The following TMEM181 variants were observed in gnomAD, a reference collection of about 807,000 sequenced individuals.
The protein encoded by TMEM181 is transmembrane protein 181.
Under a neutral mutation model 71.9 loss-of-function variants are expected in TMEM181, and 39 were observed. The observed-to-expected ratio is 0.54, with a 90% confidence interval of 0.42 to 0.71. The LOEUF (loss-of-function observed/expected upper bound fraction) is 0.71. Among genes scored for constraint, TMEM181 ranks in the 30% least tolerant of loss-of-function variants. The probability of loss-of-function intolerance (pLI) is 0.00; values close to 1 mark genes in which losing one functional copy is unlikely to be tolerated. For synonymous variants in TMEM181, 245 were observed against 228.8 expected (o/e 1.07, Z -0.64); for missense variants, 595 against 583.0 (o/e 1.02, Z -0.21).
chr6:158,619,137 A>G (rs1431607786), intron 10 of TMEM181, among the ~76,000 whole-genome samples: 1 of 152,118 alleles, frequency 6.6e-6, no homozygotes, highest in Non-Finnish European at 1.5e-5. Context: ...CAACAATCAA[A>G]CATAGATTTG....
At position 158,581,008 on chromosome 6, in the gene TMEM181, C is replaced by G; in HGVS notation, c.168+13C>G. 1 of 1,604,488 alleles carries G rather than the reference C, an allele frequency of 6.2e-7. No individual in the cohort carries two copies. Among genetic ancestry groups the G allele is most frequent in the Non-Finnish European group, 8.5e-7 (1 of 1,172,410 alleles). On this transcript the variant is annotated intron_variant, in intron 3 of 16. Transcript: ENST00000684151. Reference sequence around the variant, plus strand: ...TAATAGCAAAAAGGTAAGACTGGGTCTGAGTGGCAGCTGGGTGGTGGGGTG... The same window carrying G: ...TAATAGCAAAAAGGTAAGACTGGGTGTGAGTGGCAGCTGGGTGGTGGGGTG...
intron 1 of TMEM181, among the ~76,000 whole-genome samples, chr6:158,564,580 C>A (rs1782378351): frequency 6.6e-6 from 1 of 152,190 alleles, no homozygotes; most frequent in Non-Finnish European, 1.5e-5. Context: ...AAAAGCACAG[C>A]CATCGTTTCT....
intron 5 of TMEM181, 160 bp from the exon 6 acceptor site, chr6:158,589,512 C>T: frequency 1.7e-6 from 1 of 601,136 alleles, no homozygotes; most frequent in Non-Finnish European, 3.0e-6. Context: ...TTTCTAGGAA[C>T]TGTGTTTGGC....
At position 158,579,836 on chromosome 6, in the gene TMEM181, A is replaced by G. The variant is rs186245997; in HGVS notation, c.113-1104A>G. ...AGCCATTGGAAAAAAGATAAATACT[A>G]TAAGATTCACTTATATGGGGTACTT... On this transcript the variant is annotated intron_variant, in intron 2 of 16. Transcript: ENST00000684151. Among the ~76,000 whole-genome samples, 118 of 152,366 alleles carry G rather than the reference A, an allele frequency of 7.7e-4. 1 individual carries two copies. The highest frequency in any genetic ancestry group is 1.4e-3 in the Non-Finnish European group (94 of 68,036).
intron 1 of TMEM181, among the ~76,000 whole-genome samples, chr6:158,551,513 G>A (rs1781723664): frequency 6.6e-6 from 1 of 152,082 alleles, no homozygotes; most frequent in Non-Finnish European, 1.5e-5. Context: ...AGGATAGCCA[G>A]GGTTAAGAAC....
At chr6:158,571,107 AT>A (rs1052624456) in intron 1 of TMEM181, among the ~76,000 whole-genome samples, 1 of 150,748 alleles carries the variant, frequency 6.6e-6, no homozygotes, top group Non-Finnish European at 1.5e-5. Flanking sequence ...TAATTAATTA[AT>A]TTTTTTGAGA....
At position 158,593,951 on chromosome 6, in the gene TMEM181, TG is replaced by T. The variant is rs571396443; in HGVS notation, c.492+4170del. ...AGTTTACATTAGAATTCCCTCTTGG[TG>T]TTGTACATTCTGTAGGATCCACTAT... On this transcript the variant is annotated intron_variant, in intron 6 of 16. Coordinates refer to ENST00000684151, the MANE Select transcript of TMEM181 (RefSeq NM_001376852.1). 2.6e-3 allele frequency among the ~76,000 whole-genome samples: 394 copies of T among 152,178 alleles called. 4 individuals are homozygous for T. The highest frequency in any genetic ancestry group is 3.1e-3 in the Non-Finnish European group (214 of 68,018).
At chr6:158,592,010 G>A (rs746013847) in intron 6 of TMEM181, among the ~76,000 whole-genome samples, 3 of 152,184 alleles carry the variant, frequency 2.0e-5, no homozygotes, top group Non-Finnish European at 4.4e-5. Flanking sequence ...CGTTACCATG[G>A]GAACCACTCA....
intron 6 of TMEM181, among the ~76,000 whole-genome samples, chr6:158,590,169 A>G (rs1250531664): frequency 3.3e-5 from 5 of 152,102 alleles, no homozygotes; most frequent in Admixed American, 3.3e-4. Flanking sequence ...TCTTGTGTCC[A>G]GCTGAAATCT....
intron 1 of TMEM181, among the ~76,000 whole-genome samples, chr6:158,547,923 CAAAT>C (rs1372424813): frequency 1.5e-5 from 2 of 136,862 alleles, no homozygotes; most frequent in African/African-American, 5.4e-5. Context: ...AGAGTCCTGA[CAAAT>C]AAGTTGGTGA....
chr6:158,592,959 T>C (rs1291671255), intron 6 of TMEM181, among the ~76,000 whole-genome samples: 1 of 152,016 alleles, frequency 6.6e-6, no homozygotes, highest in Non-Finnish European at 1.5e-5. Flanking sequence ...TAAGATAATA[T>C]CCAGGGTTGG....
intron 1 of TMEM181, among the ~76,000 whole-genome samples, chr6:158,573,028 G>A (rs532509188): frequency 6.6e-6 from 1 of 152,232 alleles, no homozygotes; most frequent in South Asian, 2.1e-4. Context: ...GGGTGTGCCA[G>A]TGTGTGTGCG....
chr6:158,634,836 G>A lies in TMEM181; in HGVS notation c.*2948G>A, dbSNP rs1786857353. ...TGAACTATTTACTGAGGGTAGTTATGTTAAATAGATTATAATGTGGTAAAT... is the reference window on the plus strand; with the variant it reads ...TGAACTATTTACTGAGGGTAGTTATATTAAATAGATTATAATGTGGTAAAT... On this transcript the variant is annotated 3_prime_UTR_variant, in exon 17 of 17. Transcript: ENST00000684151. 6.6e-6 allele frequency: 1 copy of A among 152,148 alleles called. No homozygotes were observed. The highest frequency in any genetic ancestry group is 1.5e-5 in the Non-Finnish European group (1 of 68,014). 9.4% of individuals were successfully genotyped at this position (152,148 alleles called of 1,614,324 possible). A position where few individuals can be genotyped will look rare whatever the true frequency, so the allele number is the denominator to read the frequency against.
intron 11 of TMEM181, 39 bp from the exon 12 acceptor site, chr6:158,625,065 G>A (rs2128328547): frequency 1.3e-6 from 2 of 1,498,122 alleles, no homozygotes; most frequent in East Asian, 2.3e-5. Context: ...GGTCACAGAG[G>A]CCCTGTTCCG....
intron 15 of TMEM181, among the ~76,000 whole-genome samples, chr6:158,630,512 A>C: frequency 6.6e-6 from 1 of 152,262 alleles, no homozygotes; most frequent in East Asian, 1.9e-4. Flanking sequence ...ATTAAATAAA[A>C]TAGGCTTTGC....
In TMEM181 at chr6:158,608,376, A is replaced by G; in HGVS notation, c.717A>G (p.Pro239=). The change falls in exon 9 of 17, where the codon CCA becomes CCG. Residue 239 remains proline (P), a synonymous_variant. Coordinates refer to ENST00000684151, the MANE Select transcript of TMEM181 (RefSeq NM_001376852.1). ...PLSFLVNSWL[P]GMLDDLFQSM... ...CCTTCCTGGTCAACAGCTGGCTCCC[A>G]GGGATGCTGGATGACCTCTTTCAGT... The G allele has an allele frequency of 1.9e-6, 3 of 1,614,202 alleles. No homozygotes were observed. The highest frequency in any genetic ancestry group is 2.5e-6 in the Non-Finnish European group (3 of 1,180,036).
At chr6:158,605,960 G>A (rs1359819640) in intron 7 of TMEM181, among the ~76,000 whole-genome samples, 2 of 152,236 alleles carry the variant, frequency 1.3e-5, no homozygotes, top group Admixed American at 1.3e-4. Flanking sequence ...GCCGCCCGAA[G>A]TGTGGCGTTC....
chr6:158,566,686 T>C (rs1456808722), intron 1 of TMEM181, among the ~76,000 whole-genome samples: 1 of 141,760 alleles, frequency 7.1e-6, no homozygotes, highest in Non-Finnish European at 1.5e-5. Context: ...GTGAAGGAGA[T>C]GATGGTGAAG....
intron 12 of TMEM181, 78 bp downstream of exon 12, chr6:158,625,284 C>A: frequency 7.8e-7 from 1 of 1,286,858 alleles, no homozygotes; most frequent in Non-Finnish European, 1.1e-6. Context: ...TGGAGTCTCC[C>A]AAGCCAGGGG....
Sources: gnomAD v4.1 joint callset for allele counts (sites outside exome capture counted in the v4.1 genomes callset) on GRCh38, gnomAD v4.1.1 for gene constraint, MANE v1.5 for transcripts, NCBI Gene and HGNC (gene_info 2026-07-23, HGNC 2026-07-21) for gene names.